The following SLC25A30 variants were observed in gnomAD, a reference collection of about 807,000 sequenced individuals.
SLC25A30 encodes the protein kidney mitochondrial carrier protein 1.
SLC25A30 carries 29 observed loss-of-function variants against 42.7 expected under a neutral mutation model. That is an observed-to-expected ratio of 0.68 (90% CI 0.51 to 0.93). SLC25A30 has a LOEUF of 0.93. Among genes scored for constraint, SLC25A30 ranks in the 40% least tolerant of loss-of-function variants. The probability of loss-of-function intolerance (pLI) is 0.00; values close to 1 mark genes in which losing one functional copy is unlikely to be tolerated. For synonymous variants in SLC25A30, 124 were observed against 131.0 expected (o/e 0.95, Z 0.37); for missense variants, 300 against 359.7 (o/e 0.83, Z 1.34).
At chr13:45,423,093 T>C (rs1232717639), upstream of SLC25A30, among the ~76,000 whole-genome samples, 1 of 152,108 alleles carries the variant, frequency 6.6e-6, no homozygotes, top group Non-Finnish European at 1.5e-5. Flanking sequence ...CTCACTACTG[T>C]ATTCTTAGTG....
intron 9 of SLC25A30, chr13:45,396,499 C>T (rs1033284949): frequency 2.7e-5 from 9 of 334,486 alleles, no homozygotes; most frequent in Admixed American, 5.7e-5. Context: ...GCCTCACGGG[C>T]GCGGTGGCTC....
the SLC25A30 span, among the ~76,000 whole-genome samples, chr13:45,427,257 C>T: frequency 1.1e-4 from 16 of 152,218 alleles, no homozygotes; most frequent in East Asian, 9.6e-4. Context: ...CTGTCTCTCC[C>T]GAAGCATAGG....
At chr13:45,397,194 G>A in intron 9 of SLC25A30, 64 bp downstream of exon 9, 1 of 1,090,668 alleles carries the variant, frequency 9.2e-7, no homozygotes, top group Non-Finnish European at 1.4e-6. Flanking sequence ...TAACATGAGA[G>A]TTTATACAAA....
chr13:45,412,901 T>C (rs1883155354), intron 1 of SLC25A30, among the ~76,000 whole-genome samples: 1 of 152,210 alleles, frequency 6.6e-6, no homozygotes, highest in African/African-American at 2.4e-5. Context: ...CTATCAACTA[T>C]AGCTACTGTT....
At chr13:45,421,526 C>T (rs980938266), upstream of SLC25A30, among the ~76,000 whole-genome samples, 3 of 151,942 alleles carry the variant, frequency 2.0e-5, no homozygotes, top group Non-Finnish European at 4.4e-5. Flanking sequence ...GCTCTTTGTG[C>T]ATGTTTTTTA....
intron 1 of SLC25A30, among the ~76,000 whole-genome samples, chr13:45,413,209 G>A (rs982138926): frequency 3.9e-5 from 6 of 152,110 alleles, no homozygotes; most frequent in Non-Finnish European, 7.4e-5. Flanking sequence ...ATGTTTTTAG[G>A]TATTTCAGTA....
upstream of SLC25A30, among the ~76,000 whole-genome samples, chr13:45,419,708 T>A (rs1334888798): frequency 6.8e-6 from 1 of 147,946 alleles, no homozygotes; most frequent in Non-Finnish European, 1.5e-5. Context: ...GACGGGCAGA[T>A]CACCTGAGGT....
At chr13:45,411,220 G>A (rs1299175004) in intron 2 of SLC25A30, 142 bp downstream of exon 2, 21 of 704,850 alleles carry the variant, frequency 3.0e-5, no homozygotes, top group Middle Eastern at 2.4e-4. Context: ...GATTATAGGC[G>A]TGAGCCACCA....
At chr13:45,415,796 A>ATTTT (rs557873011) in intron 1 of SLC25A30, among the ~76,000 whole-genome samples, 3 of 96,108 alleles carry the variant, frequency 3.1e-5, no homozygotes, top group East Asian at 2.5e-4. Flanking sequence ...TGGCTGAATA[A>ATTTT]TTTTTTTTTT....
intron 7 of SLC25A30, 27 bp downstream of exon 7, chr13:45,401,056 A>AT (rs752517079): frequency 1.3e-6 from 2 of 1,555,372 alleles, no homozygotes; most frequent in South Asian, 1.2e-5. Context: ...AATTTCTATA[A>AT]TTTTTTAAAA....
chr13:45,423,688 A>ATATATATT, the SLC25A30 span, among the ~76,000 whole-genome samples: 25 of 17,784 alleles, frequency 1.4e-3, 2 homozygotes, highest in African/African-American at 0.012. Flanking sequence ...TTATATAAAT[A>ATATATATT]TATATAAATA....
intron 4 of SLC25A30, among the ~76,000 whole-genome samples, chr13:45,404,991 C>T (rs1882367285): frequency 6.6e-6 from 1 of 152,168 alleles, no homozygotes; most frequent in Non-Finnish European, 1.5e-5. Context: ...GGCACAATCA[C>T]AGCTCACTGC....
rs1222661239 is a variant in SLC25A30 at position 45,395,750 on chromosome 13, A to C, written c.*224T>G. On this transcript the variant is annotated 3_prime_UTR_variant, in exon 10 of 10. Transcript: ENST00000519676. ...TATCTTTGATGTTGAAGGGCACTTC[A>C]GTGGTAAAGACTAGTGTTTGGATGT... 1 of 1,417,264 alleles carries C rather than the reference A, an allele frequency of 7.1e-7. No individual in the cohort carries two copies. The highest frequency in any genetic ancestry group is 9.2e-7 in the Non-Finnish European group (1 of 1,087,086). The allele number at this position is 1,417,264 out of a possible 1,614,324, so 87.8% of individuals were successfully genotyped here.
chr13:45,424,657 A>ATATATATAAC, the SLC25A30 span, among the ~76,000 whole-genome samples: 1 of 74,616 alleles, frequency 1.3e-5, no homozygotes, highest in African/African-American at 5.0e-5. Flanking sequence ...ATATATATAA[A>ATATATATAAC]TATATAGAAA....
Position 45,414,150 on chromosome 13 carries a change from G to A in SLC25A30, c.-55-2670C>T, listed in dbSNP as rs75354708. ...ATTCAATTACGATTTTTAAAAGTTA[G>A]CTAGTCAGGAGGTAAAAACAACTTT... On this transcript the variant is annotated intron_variant, in intron 1 of 9. Coordinates refer to ENST00000519676, the MANE Select transcript of SLC25A30 (RefSeq NM_001010875.4). Among the ~76,000 whole-genome samples, 411 of 152,270 alleles carry A rather than the reference G, an allele frequency of 2.7e-3. 3 individuals carry two copies. The highest frequency in any genetic ancestry group is 9.2e-3 in the African/African-American group (384 of 41,556).
chr13:45,423,811 T>C, the SLC25A30 span, among the ~76,000 whole-genome samples: 1 of 38,600 alleles, frequency 2.6e-5, no homozygotes, highest in East Asian at 4.6e-4. Context: ...TTTATATATA[T>C]AAAAATATAA....
chr13:45,395,325 TTA>T lies in SLC25A30; in HGVS notation c.*647_*648del. Reference sequence around the variant, plus strand: ...GCCAACACATAACACCACCACGAATTTAGAGATTATTACTTTGTAACAATTTC... The same window carrying T: ...GCCAACACATAACACCACCACGAATTGAGATTATTACTTTGTAACAATTTC... On this transcript the variant is annotated 3_prime_UTR_variant, in exon 10 of 10. Coordinates refer to ENST00000519676, the MANE Select transcript of SLC25A30 (RefSeq NM_001010875.4). 2.0e-6 allele frequency: 2 copies of T among 986,334 alleles called. No homozygotes were observed. The highest frequency in any genetic ancestry group is 2.4e-6 in the Non-Finnish European group (2 of 830,572). 61.1% of individuals were successfully genotyped at this position (986,334 alleles called of 1,614,324 possible).
chr13:45,412,120 T>C (rs1003053166), intron 1 of SLC25A30, among the ~76,000 whole-genome samples: 5 of 143,912 alleles, frequency 3.5e-5, no homozygotes, highest in African/African-American at 1.4e-4. Flanking sequence ...AAGCTACTTC[T>C]TTTTTTGTTT....
the SLC25A30 span, among the ~76,000 whole-genome samples, chr13:45,425,322 A>G: frequency 5.5e-5 from 6 of 108,596 alleles, no homozygotes; most frequent in African/African-American, 2.2e-4. Context: ...ATATATGTAT[A>G]TGTAACTATA....
Sources: gnomAD v4.1 joint callset for allele counts (sites outside exome capture counted in the v4.1 genomes callset) on GRCh38, gnomAD v4.1.1 for gene constraint, MANE v1.5 for transcripts, NCBI Gene and HGNC (gene_info 2026-07-23, HGNC 2026-07-21) for gene names.